Variants in FRMPD4 observed in about 807,000 individuals in gnomAD.
FRMPD4 encodes the protein FERM and PDZ domain containing 4, also known as FERM and PDZ domain-containing protein 4.
In FRMPD4, 22 loss-of-function variants were observed where a neutral mutation model predicts 94.1. The observed-to-expected ratio is 0.23, with a 90% confidence interval of 0.17 to 0.33. FRMPD4 has a LOEUF of 0.33. Among genes scored for constraint, FRMPD4 ranks in the 10% least tolerant of loss-of-function variants. The pLI is 1.00. For missense variants in FRMPD4, 1,111 were observed against 1,339.9 expected (o/e 0.83, Z 2.67); for synonymous variants, 631 against 548.6 (o/e 1.15, Z -2.10).
intron 1 of FRMPD4, among the ~76,000 whole-genome samples, chrX:12,288,280 G>A (rs1161440451): frequency 8.9e-6 from 1 of 111,921 alleles, no homozygotes; most frequent in Non-Finnish European, 1.9e-5. Flanking sequence ...ACCTGGCTGT[G>A]ACTAGGCAAT....
intron 3 of FRMPD4, among the ~76,000 whole-genome samples, chrX:12,027,945 T>C (rs1247661031): frequency 4.4e-5 from 5 of 112,655 alleles, no homozygotes; most frequent in African/African-American, 1.6e-4. Context: ...AGTCTTCTTC[T>C]GTTGCCAACC....
chrX:12,461,912 G>A (rs182244709), intron 1 of FRMPD4, among the ~76,000 whole-genome samples: 1 of 111,612 alleles, frequency 9.0e-6, no homozygotes, highest in African/African-American at 3.3e-5. Context: ...TAATACCATG[G>A]TAAATAAACA....
intron 4 of FRMPD4, among the ~76,000 whole-genome samples, chrX:12,655,298 G>A (rs1469022125): frequency 3.6e-5 from 4 of 111,867 alleles, no homozygotes; most frequent in African/African-American, 1.3e-4. Context: ...CTGCTGTGAC[G>A]ATTGTTCAGT....
chrX:12,719,610 A>C (rs1388231925), intron 16 of FRMPD4, among the ~76,000 whole-genome samples: 1 of 111,940 alleles, frequency 8.9e-6, no homozygotes, highest in Non-Finnish European at 1.9e-5. Flanking sequence ...GTCATTTTCT[A>C]TTCCTGTTCT....
chrX:12,559,508 G>C (rs1173343485), intron 2 of FRMPD4, among the ~76,000 whole-genome samples: 1 of 110,558 alleles, frequency 9.0e-6, no homozygotes, highest in Non-Finnish European at 1.9e-5. Flanking sequence ...AAATTAGCTG[G>C]GTGTGGTGGC....
chrX:12,205,111 G>A (rs2056677106), intron 1 of FRMPD4, among the ~76,000 whole-genome samples: 1 of 102,237 alleles, frequency 9.8e-6, no homozygotes. Context: ...AAAAAAAAAG[G>A]CTTTTTAATG....
At chrX:12,388,850 T>TATATATATATATATACACAC (rs1491368741) in intron 1 of FRMPD4, among the ~76,000 whole-genome samples, 24 of 73,434 alleles carry the variant, frequency 3.3e-4, no homozygotes, top group African/African-American at 1.2e-3. Flanking sequence ...TATATATATA[T>TATATATATATATATACACAC]ACACACAATG....
At chrX:11,920,857 A>G (rs1343186993) in intron 3 of FRMPD4, among the ~76,000 whole-genome samples, 1 of 110,985 alleles carries the variant, frequency 9.0e-6, no homozygotes, top group African/African-American at 3.3e-5. Flanking sequence ...GCCCTAGACA[A>G]AGGGAGAAGA....
At chrX:12,508,991 C>CAAAAAAAA in intron 2 of FRMPD4, among the ~76,000 whole-genome samples, 1 of 30,536 alleles carries the variant, frequency 3.3e-5, no homozygotes. Context: ...GACTCTGTCT[C>CAAAAAAAA]AAAAAAAAAA....
At position 11,847,965 on chromosome X, in the gene FRMPD4, T is replaced by A. The variant is rs1270373611; in HGVS notation, c.-160-17121T>A. On this transcript the variant is annotated intron_variant, in intron 1 of 18. Coordinates refer to the FRMPD4 transcript ENST00000640291. ...AGTTAATGGGTGCAGCACACCAGCA[T>A]GGCACATGTAGACATATGTAACTAA... Among the ~76,000 whole-genome samples the A allele has an allele frequency of 8.6e-5, 9 of 104,181 alleles. No homozygotes were observed. In the East Asian group the frequency reaches 2.5e-3, roughly 29 times the overall value. 90.5% of individuals were successfully genotyped at this position (104,181 alleles called of 115,157 possible).
intron 3 of FRMPD4, among the ~76,000 whole-genome samples, chrX:11,955,563 C>G (rs1002246064): frequency 9.1e-6 from 1 of 109,556 alleles, no homozygotes; most frequent in African/African-American, 3.3e-5. Flanking sequence ...CACGGTGAAA[C>G]CCCGTCTCTA....
chrX:11,942,988 A>G (rs1197942682), intron 3 of FRMPD4, among the ~76,000 whole-genome samples: 1 of 112,104 alleles, frequency 8.9e-6, no homozygotes, highest in Non-Finnish European at 1.9e-5. Flanking sequence ...TTAAAAGGAG[A>G]AAATCAAAGC....
intron 1 of FRMPD4, among the ~76,000 whole-genome samples, chrX:12,302,717 A>G (rs2054878918): frequency 1.8e-5 from 2 of 112,151 alleles, no homozygotes; most frequent in Admixed American, 1.9e-4. Context: ...GAGCTTATTC[A>G]TTATAAAATC....
At chrX:12,254,819 C>T (rs1390226873) in intron 1 of FRMPD4, among the ~76,000 whole-genome samples, 2 of 111,652 alleles carry the variant, frequency 1.8e-5, no homozygotes, top group Non-Finnish European at 3.8e-5. Flanking sequence ...ATTGATCAGC[C>T]ATCTTCTTCT....
chrX:12,198,862 A>T (rs1429050489), intron 1 of FRMPD4, among the ~76,000 whole-genome samples: 2 of 112,455 alleles, frequency 1.8e-5, no homozygotes, highest in African/African-American at 6.5e-5. Context: ...CGTAGAAAGG[A>T]CAAGTTTGCC....
At chrX:12,678,094 AT>A (rs1405074500) in intron 5 of FRMPD4, among the ~76,000 whole-genome samples, 2 of 111,830 alleles carry the variant, frequency 1.8e-5, no homozygotes, top group East Asian at 5.6e-4. Context: ...TGTACATATA[AT>A]TTTATTCTGC....
chrX:11,991,091 G>A (rs1439724011), intron 3 of FRMPD4, among the ~76,000 whole-genome samples: 3 of 111,726 alleles, frequency 2.7e-5, no homozygotes, highest in Non-Finnish European at 5.7e-5. Flanking sequence ...ATTCTTATGA[G>A]GAGAGTCTCA....
chrX:12,696,379 G>A (rs1190426695), intron 9 of FRMPD4, among the ~76,000 whole-genome samples: 1 of 110,754 alleles, frequency 9.0e-6, no homozygotes, highest in Non-Finnish European at 1.9e-5. Flanking sequence ...TGATATTTAT[G>A]AGGTGTTCCT....
intron 4 of FRMPD4, among the ~76,000 whole-genome samples, chrX:12,649,829 T>G (rs1221077766): frequency 8.9e-6 from 1 of 112,871 alleles, no homozygotes; most frequent in East Asian, 2.8e-4. Context: ...CCTCTCTGTA[T>G]TGAAACCTTG....
Sources: gnomAD v4.1 joint callset for allele counts (sites outside exome capture counted in the v4.1 genomes callset) on GRCh38, gnomAD v4.1.1 for gene constraint, MANE v1.5 for transcripts, NCBI Gene and HGNC (gene_info 2026-07-23, HGNC 2026-07-21) for gene names.